The following ZNF362 variants were observed in gnomAD, a reference collection of about 807,000 sequenced individuals.
The protein encoded by ZNF362 is zinc finger protein 362.
In ZNF362, 11 loss-of-function variants were observed where a neutral mutation model predicts 42.9. The observed-to-expected ratio is 0.26, with a 90% confidence interval of 0.16 to 0.42. The LOEUF (loss-of-function observed/expected upper bound fraction) is 0.42. Among genes scored for constraint, ZNF362 ranks in the 20% least tolerant of loss-of-function variants. The pLI is 1.00. For synonymous variants in ZNF362, 255 were observed against 257.3 expected (o/e 0.99, Z 0.09); for missense variants, 362 against 576.2 (o/e 0.63, Z 3.81).
At chr1:33,262,297 C>CTTTTTTTTTTT (rs55730909) in intron 1 of ZNF362, among the ~76,000 whole-genome samples, 1 of 48,132 alleles carries the variant, frequency 2.1e-5, no homozygotes, top group Non-Finnish European at 3.6e-5. Flanking sequence ...CTTTAGGATT[C>CTTTTTTTTTTT]TTTTTTTTTT....
At chr1:33,183,331 T>G in the ZNF362 span, among the ~76,000 whole-genome samples, 1 of 152,210 alleles carries the variant, frequency 6.6e-6, no homozygotes, top group African/African-American at 2.4e-5. Flanking sequence ...AGCTCTCAGT[T>G]TAGTTCTCTA....
rs1484976071 is a variant in ZNF362, at chr1:33,294,200, C to CT, written c.909-734dup. Reference sequence around the variant, plus strand: ...CTTTGTACCAACACTAGGCTAAGCCCTTTACATGCATTATCTGATGTTATC... The same window carrying CT: ...CTTTGTACCAACACTAGGCTAAGCCCTTTTACATGCATTATCTGATGTTATC... On this transcript the variant is annotated intron_variant, in intron 6 of 8. Coordinates refer to ENST00000539719, the MANE Select transcript of ZNF362 (RefSeq NM_152493.3). This position sits in a 1 kb window ranked among gnomAD's most constrained non-coding sequence, Gnocchi z 4.2. Among the ~76,000 whole-genome samples the CT allele has an allele frequency of 6.6e-6, 1 of 152,214 alleles. No homozygotes were observed. Among genetic ancestry groups the CT allele is most frequent in the Non-Finnish European group, 1.5e-5 (1 of 68,044 alleles).
the ZNF362 span, among the ~76,000 whole-genome samples, chr1:33,174,998 C>CATAT: frequency 2.5e-5 from 1 of 40,706 alleles, no homozygotes; most frequent in African/African-American, 1.1e-4. Flanking sequence ...TGCACACACA[C>CATAT]ATGTATGTAT....
chr1:33,289,492 C>T (rs941958456), intron 6 of ZNF362, among the ~76,000 whole-genome samples: 5 of 152,002 alleles, frequency 3.3e-5, no homozygotes, highest in Admixed American at 6.5e-5. Context: ...AGTTGTTGCA[C>T]GTGCATGGGA....
chr1:33,276,232 G>A, intron 3 of ZNF362, 69 bp downstream of exon 3: 1 of 1,601,570 alleles, frequency 6.2e-7, no homozygotes, highest in Non-Finnish European at 8.5e-7. Flanking sequence ...CTGGGTTTTG[G>A]CTGTGGCCTG....
the ZNF362 span, among the ~76,000 whole-genome samples, chr1:33,231,417 A>G: frequency 1.3e-5 from 2 of 152,182 alleles, no homozygotes; most frequent in African/African-American, 2.4e-5. Context: ...CTATTTCCCA[A>G]TGAAGACCAA....
the ZNF362 span, among the ~76,000 whole-genome samples, chr1:33,250,688 C>G: frequency 1.3e-5 from 2 of 151,372 alleles, no homozygotes; most frequent in South Asian, 4.2e-4. Context: ...CCATGGCACA[C>G]ATTTACCTAT....
chr1:33,192,609 G>A, the ZNF362 span, among the ~76,000 whole-genome samples: 2 of 152,274 alleles, frequency 1.3e-5, no homozygotes, highest in Non-Finnish European at 2.9e-5. Flanking sequence ...TCTGGGAAAT[G>A]GTGCAAAACA....
the ZNF362 span, among the ~76,000 whole-genome samples, chr1:33,189,664 T>C: frequency 0.023 from 460 of 19,850 alleles, 29 homozygotes; most frequent in Middle Eastern, 0.21. Flanking sequence ...TATATATATA[T>C]ATATATATGT....
In ZNF362 at chr1:33,281,503, C is replaced by T; in HGVS notation, c.684-84C>T. On this transcript the variant is annotated intron_variant, in intron 5 of 8. Coordinates refer to ENST00000539719, the MANE Select transcript of ZNF362 (RefSeq NM_152493.3). The surrounding 1 kb of genome is among the most constrained non-coding windows in gnomAD (Gnocchi z 4.8). ...TCACAGGAAAGACCTGTCCCAGGTG[C>T]AAGGTCTCTCTGATGTAGAAGGCCT... The T allele has an allele frequency of 7.5e-7, 1 of 1,333,630 alleles. No homozygotes were observed. Among genetic ancestry groups the T allele is most frequent in the Non-Finnish European group, 1.1e-6 (1 of 940,036 alleles). 82.6% of individuals were successfully genotyped at this position (1,333,630 alleles called of 1,614,324 possible).
At chr1:33,245,493 C>G in the ZNF362 span, among the ~76,000 whole-genome samples, 1 of 152,092 alleles carries the variant, frequency 6.6e-6, no homozygotes, top group South Asian at 2.1e-4. Flanking sequence ...CATGTCCTAC[C>G]TCCCAGAACT....
At chr1:33,247,023 C>T in the ZNF362 span, among the ~76,000 whole-genome samples, 10 of 152,266 alleles carry the variant, frequency 6.6e-5, no homozygotes, top group African/African-American at 1.9e-4. Context: ...AGGAAGGAGG[C>T]CTTGCGATGT....
At chr1:33,157,174 A>C in the ZNF362 span, among the ~76,000 whole-genome samples, 6 of 151,950 alleles carry the variant, frequency 3.9e-5, no homozygotes, top group African/African-American at 1.2e-4. Flanking sequence ...TGGCCTACAG[A>C]CCCTCGTGGT....
At chr1:33,248,896 C>A in the ZNF362 span, among the ~76,000 whole-genome samples, 1 of 152,210 alleles carries the variant, frequency 6.6e-6, no homozygotes, top group African/African-American at 2.4e-5. Context: ...TTATGGATCA[C>A]CCCCACACTT....
At chr1:33,151,386 G>C in the ZNF362 span, among the ~76,000 whole-genome samples, 3 of 152,080 alleles carry the variant, frequency 2.0e-5, no homozygotes, top group Non-Finnish European at 4.4e-5. Flanking sequence ...GCAGGGTGTG[G>C]CACCCTGGCT....
the ZNF362 span, among the ~76,000 whole-genome samples, chr1:33,178,978 A>T: frequency 6.6e-6 from 1 of 152,216 alleles, no homozygotes; most frequent in Non-Finnish European, 1.5e-5. Flanking sequence ...AGGAGGGGAG[A>T]GATCAGAGAA....
the ZNF362 span, chr1:33,176,527 T>G: frequency 1.5e-6 from 1 of 648,146 alleles, no homozygotes; most frequent in South Asian, 1.6e-5. Context: ...TCGGATCCCC[T>G]CTCTGGGGGT....
rs1259013722 is a variant in ZNF362, at chr1:33,256,744, CCGGGCCGGGGCGCGGGCGCTGTCAGCG to C, written c.-89+104_-89+130del. On this transcript the variant is annotated intron_variant, in intron 1 of 8. Coordinates refer to ENST00000539719, the MANE Select transcript of ZNF362 (RefSeq NM_152493.3). ...AGTTGCGCCGAGTTGCGGGCGGGGG[CCGGGCCGGGGCGCGGGCGCTGTCAGCG>C]CGGGCCGGGGCGCTCCGAGGGCCCG... 4.1e-5 allele frequency: 6 copies of C among 145,030 alleles called. 1 individual carries two copies. The highest frequency in any genetic ancestry group is 2.7e-4 in the Admixed American group (4 of 14,610). 9.0% of individuals were successfully genotyped at this position (145,030 alleles called of 1,614,324 possible). A position where few individuals can be genotyped will look rare whatever the true frequency, so the allele number is the denominator to read the frequency against.
the ZNF362 span, among the ~76,000 whole-genome samples, chr1:33,127,923 C>T: frequency 6.6e-6 from 1 of 152,114 alleles, no homozygotes; most frequent in African/African-American, 2.4e-5. Flanking sequence ...ACAAGGACTC[C>T]TACCCTCCAC....
Sources: gnomAD v4.1 joint callset for allele counts (sites outside exome capture counted in the v4.1 genomes callset) on GRCh38, gnomAD v4.1.1 for gene constraint, Gnocchi (gnomAD v3.1) non-coding constraint, MANE v1.5 for transcripts, NCBI Gene and HGNC (gene_info 2026-07-23, HGNC 2026-07-21) for gene names.